Variants in FNDC3B observed in about 807,000 individuals in gnomAD.
FNDC3B encodes the protein fibronectin type III domain-containing protein 3B.
A neutral mutation model predicts 151.5 loss-of-function variants in FNDC3B; 12 were observed. The observed-to-expected ratio is 0.08, with a 90% CI of 0.05 to 0.13. The LOEUF is 0.13. FNDC3B is among the 10% of genes least tolerant of loss of function. The probability of loss-of-function intolerance (pLI) is 1.00; values close to 1 mark genes in which losing one functional copy is unlikely to be tolerated. For synonymous variants in FNDC3B, 528 were observed against 549.0 expected (o/e 0.96, Z 0.54); for missense variants, 1,214 against 1,505.3 (o/e 0.81, Z 3.20).
At chr3:172,147,681 G>A (rs757747273) in intron 3 of FNDC3B, among the ~76,000 whole-genome samples, 2 of 152,092 alleles carry the variant, frequency 1.3e-5, no homozygotes, top group Non-Finnish European at 2.9e-5. Flanking sequence ...TTCAGGTCTG[G>A]GGTGGGTGGG....
At chr3:172,153,066 G>T (rs1722312402) in intron 3 of FNDC3B, among the ~76,000 whole-genome samples, 2 of 152,138 alleles carry the variant, frequency 1.3e-5, no homozygotes, top group Non-Finnish European at 2.9e-5. Context: ...CCTGACTCAT[G>T]GGTGTCGGGA....
chr3:172,218,741 A>G (rs1726122454), intron 3 of FNDC3B, among the ~76,000 whole-genome samples: 1 of 152,210 alleles, frequency 6.6e-6, no homozygotes, highest in Non-Finnish European at 1.5e-5. Flanking sequence ...AGGTCATGCT[A>G]GAATGTGATG....
At chr3:172,232,908 C>A (rs1000662035) in intron 4 of FNDC3B, among the ~76,000 whole-genome samples, 1 of 152,154 alleles carries the variant, frequency 6.6e-6, no homozygotes, top group Non-Finnish European at 1.5e-5. Flanking sequence ...AGGTGTGGCA[C>A]TCAGTAAGTA....
At chr3:172,237,186 C>T (rs184673885) in intron 4 of FNDC3B, 1 of 152,376 alleles carries the variant, frequency 6.6e-6, no homozygotes, top group Non-Finnish European at 1.5e-5. Context: ...TGAAGACAAG[C>T]ACCAGTACCT....
chr3:172,060,513 A>G (rs1380212518), intron 1 of FNDC3B, among the ~76,000 whole-genome samples: 1 of 152,224 alleles, frequency 6.6e-6, no homozygotes, highest in East Asian at 1.9e-4. Context: ...TTGTAGGAAC[A>G]GATAGATTGC....
intron 11 of FNDC3B, among the ~76,000 whole-genome samples, chr3:172,325,209 G>T (rs1732280482): frequency 6.6e-6 from 1 of 152,226 alleles, no homozygotes. Context: ...GAACAAGGCT[G>T]AATTTAAATT....
In FNDC3B at chr3:172,386,996, G is replaced by A. The variant is rs563965742; in HGVS notation, c.3303+5903G>A. ...TTTTGAGATGGAGTCTCGCTCTGTCGCCCAGGCTGGAGTACAGTAGCATGA... is the reference window on the plus strand; with the variant it reads ...TTTTGAGATGGAGTCTCGCTCTGTCACCCAGGCTGGAGTACAGTAGCATGA... On this transcript the variant is annotated intron_variant, in intron 25 of 25. Coordinates refer to ENST00000415807, the MANE Select transcript of FNDC3B (RefSeq NM_022763.4). 1.8e-4 allele frequency among the ~76,000 whole-genome samples: 27 copies of A among 152,010 alleles called. No homozygotes were observed. In the East Asian group the frequency reaches 2.5e-3, roughly 14 times the overall value.
intron 2 of FNDC3B, among the ~76,000 whole-genome samples, chr3:172,120,083 A>G (rs890242277): frequency 2.0e-5 from 3 of 152,224 alleles, no homozygotes; most frequent in African/African-American, 7.2e-5. Flanking sequence ...ATGCCATGTT[A>G]TCAGAGGGTG....
intron 11 of FNDC3B, among the ~76,000 whole-genome samples, chr3:172,321,295 C>G (rs1354710150): frequency 2.0e-5 from 3 of 152,182 alleles, no homozygotes; most frequent in Non-Finnish European, 4.4e-5. Context: ...TATTAAAAGT[C>G]TTATTTCAAT....
chr3:172,089,888 G>A (rs1339956290), intron 1 of FNDC3B, among the ~76,000 whole-genome samples: 2 of 152,100 alleles, frequency 1.3e-5, no homozygotes, highest in Admixed American at 6.5e-5. Flanking sequence ...TTCCCAGGTC[G>A]GCCATCTCAA....
Position 172,119,861 on chromosome 3 carries a change from C to A in FNDC3B, c.111+7271C>A, listed in dbSNP as rs1030698611. Among the ~76,000 whole-genome samples the A allele has an allele frequency of 3.3e-5, 5 of 152,284 alleles. No homozygotes were observed. The South Asian group carries it at 1.0e-3, about 32-fold the overall frequency. On this transcript the variant is annotated intron_variant, in intron 2 of 25. Transcript: ENST00000415807. ...ACAGTGGGGCAGATCACAAGCACCC[C>A]CCACAACCAGATCCACTTTTCCAGC...
intron 9 of FNDC3B, chr3:172,302,431 G>T (rs1279718768): frequency 1.3e-5 from 2 of 152,210 alleles, no homozygotes; most frequent in African/African-American, 2.4e-5. Context: ...GGCTGCTCCA[G>T]TTGGCATCTG....
At chr3:172,259,814 C>T (rs1728552558) in intron 6 of FNDC3B, among the ~76,000 whole-genome samples, 1 of 152,206 alleles carries the variant, frequency 6.6e-6, no homozygotes, top group African/African-American at 2.4e-5. Flanking sequence ...ATGTTTACTA[C>T]ATGATTCTTT....
chr3:172,090,329 G>T (rs907211592), intron 1 of FNDC3B, among the ~76,000 whole-genome samples: 1 of 152,082 alleles, frequency 6.6e-6, no homozygotes, highest in Non-Finnish European at 1.5e-5. Flanking sequence ...ATCACTGAGC[G>T]GGGGCAGTGA....
chr3:172,148,987 T>G (rs372968541), intron 3 of FNDC3B, among the ~76,000 whole-genome samples: 1 of 152,226 alleles, frequency 6.6e-6, no homozygotes, highest in Non-Finnish European at 1.5e-5. Flanking sequence ...GAGCAGACTT[T>G]GAAGAAAATG....
intron 3 of FNDC3B, among the ~76,000 whole-genome samples, chr3:172,169,685 A>G (rs1723192574): frequency 6.6e-6 from 1 of 152,208 alleles, no homozygotes. Flanking sequence ...AGCTGGTCTC[A>G]TTGGGAAGCA....
Position 172,351,449 on chromosome 3 carries a change from A to C in FNDC3B, c.2515-1354A>C, listed in dbSNP as rs540391016. ...GGAGAGTAGCAGGCAATGAAGTCAC[A>C]GTGCTAATGGGTTTTTGAAGGGGAA... is the stretch of plus-strand genomic sequence containing the variant. On this transcript the variant is annotated intron_variant, in intron 21 of 25. Coordinates refer to ENST00000415807, the MANE Select transcript of FNDC3B (RefSeq NM_022763.4). Among the ~76,000 whole-genome samples the C allele has an allele frequency of 6.2e-4, 95 of 152,332 alleles. No individual in the cohort carries two copies. The South Asian group carries it at 6.4e-3, about 10-fold the overall frequency.
At chr3:172,345,380 C>CA (rs1733552963) in intron 19 of FNDC3B, among the ~76,000 whole-genome samples, 2 of 152,166 alleles carry the variant, frequency 1.3e-5, no homozygotes, top group South Asian at 4.1e-4. Context: ...GATAAATGTG[C>CA]AACTGGGCTG....
chr3:172,114,450 T>C (rs925990906), intron 2 of FNDC3B, among the ~76,000 whole-genome samples: 5 of 152,236 alleles, frequency 3.3e-5, no homozygotes, highest in African/African-American at 1.2e-4. Context: ...ATCCATGTTG[T>C]TGTACACCAT....
Sources: allele counts gnomAD v4.1 joint callset (sites outside exome capture counted in the v4.1 genomes callset), GRCh38; gene constraint gnomAD v4.1.1; transcripts MANE v1.5; gene names NCBI Gene and HGNC (gene_info 2026-07-23, HGNC 2026-07-21).